The following RBFOX1 variants were observed in gnomAD, a reference collection of about 807,000 sequenced individuals.
The protein encoded by RBFOX1 is RNA binding fox-1 homolog 1, also known as RNA binding protein fox-1 homolog 1.
A neutral mutation model predicts 57.7 loss-of-function variants in RBFOX1; 8 were observed. That is an observed-to-expected ratio of 0.14 (90% confidence interval 0.08 to 0.25). RBFOX1 has a LOEUF of 0.25. RBFOX1 is among the 10% of genes least tolerant of loss of function. The probability of loss-of-function intolerance (pLI) is 1.00; values close to 1 mark genes in which losing one functional copy is unlikely to be tolerated. For synonymous variants in RBFOX1, 326 were observed against 222.4 expected (o/e 1.47, Z -4.15); for missense variants, 611 against 548.5 (o/e 1.11, Z -1.14).
At chr16:7,446,645 T>C (rs1167683451) in intron 4 of RBFOX1, among the ~76,000 whole-genome samples, 1 of 151,998 alleles carries the variant, frequency 6.6e-6, no homozygotes, top group Admixed American at 6.6e-5. Flanking sequence ...GAGCCTGTCT[T>C]CTCTTTACAC....
intron 4 of RBFOX1, among the ~76,000 whole-genome samples, chr16:7,341,270 C>A (rs925211727): frequency 1.8e-4 from 27 of 152,270 alleles, no homozygotes; most frequent in African/African-American, 6.0e-4. Flanking sequence ...CTCTGAGCAA[C>A]CGAGACCATT....
intron 3 of RBFOX1, among the ~76,000 whole-genome samples, chr16:6,819,742 A>G (rs985720343): frequency 1.4e-5 from 2 of 146,196 alleles, no homozygotes; most frequent in African/African-American, 5.0e-5. Context: ...TAACAACACC[A>G]AAAGGTATAT....
At chr16:7,533,091 A>T (rs561818408) in intron 5 of RBFOX1, among the ~76,000 whole-genome samples, 1 of 152,224 alleles carries the variant, frequency 6.6e-6, no homozygotes, top group Non-Finnish European at 1.5e-5. Flanking sequence ...TATTTGTCAT[A>T]GTCGCCAGCA....
At chr16:6,250,452 G>A (rs534071364) in intron 1 of RBFOX1, among the ~76,000 whole-genome samples, 1 of 152,276 alleles carries the variant, frequency 6.6e-6, no homozygotes, top group South Asian at 2.1e-4. Context: ...AAGAAAATGA[G>A]CAATGCTATG....
chr16:5,582,591 C>T (rs1428956303), intron 2 of RBFOX1, among the ~76,000 whole-genome samples: 1 of 147,592 alleles, frequency 6.8e-6, no homozygotes, highest in East Asian at 2.0e-4. Context: ...TCTTTGTTGC[C>T]CAGGCTGGAA....
chr16:6,803,904 T>A (rs1229483221), intron 3 of RBFOX1, among the ~76,000 whole-genome samples: 1 of 152,186 alleles, frequency 6.6e-6, no homozygotes, highest in Non-Finnish European at 1.5e-5. Flanking sequence ...AAATGTAAGC[T>A]TTTACCATTG....
chr16:5,908,298 A>G (rs2058524445), intron 4 of RBFOX1, among the ~76,000 whole-genome samples: 1 of 143,276 alleles, frequency 7.0e-6, no homozygotes, highest in African/African-American at 2.8e-5. Flanking sequence ...ACACATATAT[A>G]TATACACACA....
intron 1 of RBFOX1, among the ~76,000 whole-genome samples, chr16:6,111,334 A>T (rs990302883): frequency 2.6e-5 from 4 of 152,118 alleles, no homozygotes; most frequent in African/African-American, 9.7e-5. Context: ...ATCTTGTTAG[A>T]ACTAGTTTTA....
At chr16:5,776,537 T>C (rs2054156348) in intron 3 of RBFOX1, among the ~76,000 whole-genome samples, 1 of 152,258 alleles carries the variant, frequency 6.6e-6, no homozygotes, top group Non-Finnish European at 1.5e-5. Flanking sequence ...ATTTATTACG[T>C]GCCCACTAGT....
At chr16:6,340,487 G>A (rs1179278968) in intron 2 of RBFOX1, among the ~76,000 whole-genome samples, 1 of 152,208 alleles carries the variant, frequency 6.6e-6, no homozygotes, top group African/African-American at 2.4e-5. Flanking sequence ...GCTGCTGGTT[G>A]CCTGTTTTTA....
At chr16:7,597,520 G>A (rs2094767848) in intron 9 of RBFOX1, 89 bp downstream of exon 9, 18 of 1,194,200 alleles carry the variant, frequency 1.5e-5, no homozygotes, top group Non-Finnish European at 2.1e-5. Flanking sequence ...AACAAGCTGT[G>A]TTTGCCTGGG....
chr16:7,594,722 T>C (rs2094603151), intron 7 of RBFOX1, among the ~76,000 whole-genome samples: 1 of 152,232 alleles, frequency 6.6e-6, no homozygotes, highest in Non-Finnish European at 1.5e-5. Flanking sequence ...TACCTGTTGA[T>C]ATGAAAAATA....
chr16:5,760,351 T>C (rs1053190422), intron 3 of RBFOX1, among the ~76,000 whole-genome samples: 1 of 151,036 alleles, frequency 6.6e-6, no homozygotes, highest in Non-Finnish European at 1.5e-5. Context: ...AGATAAGTAC[T>C]CAGCAATTTC....
intron 1 of RBFOX1, among the ~76,000 whole-genome samples, chr16:6,277,434 G>A (rs1567833242): frequency 8.1e-6 from 1 of 123,180 alleles, no homozygotes; most frequent in Non-Finnish European, 1.6e-5. Context: ...CCCAGAGAGA[G>A]TGACAGAACA....
chr16:6,763,440 T>C (rs995150899), intron 3 of RBFOX1, among the ~76,000 whole-genome samples: 3 of 152,218 alleles, frequency 2.0e-5, no homozygotes, highest in Non-Finnish European at 4.4e-5. Flanking sequence ...CATGGGCCTG[T>C]ACACCTGTCT....
chr16:6,039,496 A>G (rs111738829), intron 1 of RBFOX1, among the ~76,000 whole-genome samples: 1 of 152,158 alleles, frequency 6.6e-6, no homozygotes, highest in Non-Finnish European at 1.5e-5. Context: ...TGATTTGGGT[A>G]GTTTTGAATC....
At chr16:5,599,077 T>C in exon 3 of RBFOX1, 1 of 970,296 alleles carries the variant, frequency 1.0e-6, no homozygotes, top group Non-Finnish European at 1.6e-6. Flanking sequence ...GAAACTGATC[T>C]TGCTGGAGAA....
At chr16:6,280,635 A>G (rs1480161499) in intron 1 of RBFOX1, among the ~76,000 whole-genome samples, 1 of 152,108 alleles carries the variant, frequency 6.6e-6, no homozygotes, top group Non-Finnish European at 1.5e-5. Flanking sequence ...ATTTAGCCCC[A>G]CGAGCCAGAA....
chr16:5,278,783 G>C (rs1244916681), intron 1 of RBFOX1, among the ~76,000 whole-genome samples: 1 of 152,140 alleles, frequency 6.6e-6, no homozygotes, highest in Non-Finnish European at 1.5e-5. Flanking sequence ...AGAGATAAGG[G>C]TCTAGTTTTA....
Sources: gnomAD v4.1 joint callset for allele counts (sites outside exome capture counted in the v4.1 genomes callset) on GRCh38, gnomAD v4.1.1 for gene constraint, MANE v1.5 for transcripts, NCBI Gene and HGNC (gene_info 2026-07-23, HGNC 2026-07-21) for gene names.